DEUP1: variants seen among roughly 807,000 people sequenced by gnomAD.
DEUP1 encodes the protein deuterosome assembly protein 1.
A neutral mutation model predicts 87.4 loss-of-function variants in DEUP1; 82 were observed. The ratio of observed to expected loss-of-function variants is 0.94; its 90% CI spans 0.78 to 1.13. DEUP1 has a LOEUF of 1.13. Among genes scored for constraint, DEUP1 ranks in the 50% most tolerant of loss-of-function variants. DEUP1 has a pLI of 0.00. For missense variants in DEUP1, 663 were observed against 681.5 expected, an observed-to-expected ratio of 0.97 and a Z score of 0.30; for synonymous variants, 214 against 222.7, an observed-to-expected ratio of 0.96 and a Z score of 0.35.
chr11:93,378,740 G>A (rs970756982), intron 7 of DEUP1, among the ~76,000 whole-genome samples: 1 of 152,088 alleles, frequency 6.6e-6, no homozygotes, highest in African/African-American at 2.4e-5. Flanking sequence ...AAGGGCTGTT[G>A]TTCAGACTCT....
intron 13 of DEUP1, among the ~76,000 whole-genome samples, chr11:93,427,611 C>T (rs1020065509): frequency 6.7e-6 from 1 of 150,324 alleles, no homozygotes; most frequent in Admixed American, 6.6e-5. Context: ...CAACAAAAGC[C>T]AAAATTGACA....
intron 2 of DEUP1, among the ~76,000 whole-genome samples, chr11:93,337,371 C>G (rs910934159): frequency 3.3e-5 from 5 of 151,994 alleles, no homozygotes; most frequent in Non-Finnish European, 7.4e-5. Context: ...AAAATAAAAT[C>G]TAATTTTTCT....
At chr11:93,376,477 C>T (rs1257493790) in intron 7 of DEUP1, among the ~76,000 whole-genome samples, 1 of 151,998 alleles carries the variant, frequency 6.6e-6, no homozygotes, top group Non-Finnish European at 1.5e-5. Flanking sequence ...TCTCCTGTTT[C>T]ATTTCTAATT....
At chr11:93,363,892 C>A (rs1398268135) in intron 4 of DEUP1, among the ~76,000 whole-genome samples, 2 of 151,780 alleles carry the variant, frequency 1.3e-5, no homozygotes, top group African/African-American at 4.8e-5. Context: ...ATGATTAAAA[C>A]AAAATTGAAC....
intron 7 of DEUP1, among the ~76,000 whole-genome samples, chr11:93,373,852 T>A (rs550181450): frequency 2.6e-5 from 4 of 152,158 alleles, no homozygotes; most frequent in Non-Finnish European, 5.9e-5. Flanking sequence ...TTGAGTTCTT[T>A]AAGGAATCTC....
intron 7 of DEUP1, among the ~76,000 whole-genome samples, chr11:93,380,514 C>T (rs1489107098): frequency 6.6e-6 from 1 of 152,128 alleles, no homozygotes; most frequent in Non-Finnish European, 1.5e-5. Context: ...CATTCTTCTG[C>T]CTCAGCCTCC....
At chr11:93,436,379 A>G (rs762216152) in intron 13 of DEUP1, among the ~76,000 whole-genome samples, 11 of 152,206 alleles carry the variant, frequency 7.2e-5, no homozygotes, top group Non-Finnish European at 1.3e-4. Context: ...GGGCAAAACC[A>G]TGGATATATA....
intron 12 of DEUP1, 96 bp downstream of exon 12, chr11:93,408,523 T>C: frequency 1.3e-6 from 1 of 789,582 alleles, no homozygotes. Flanking sequence ...ACGCTTTCTC[T>C]TCTGTGGTTT....
At chr11:93,356,027 T>A (rs943480965) in intron 3 of DEUP1, among the ~76,000 whole-genome samples, 1 of 151,874 alleles carries the variant, frequency 6.6e-6, no homozygotes, top group African/African-American at 2.4e-5. Flanking sequence ...TTAAGAGGAG[T>A]TCCCTTAGTC....
intron 13 of DEUP1, among the ~76,000 whole-genome samples, chr11:93,436,151 A>G (rs956102806): frequency 6.6e-6 from 1 of 152,218 alleles, no homozygotes; most frequent in African/African-American, 2.4e-5. Context: ...CCTAAAAACA[A>G]TGTGTCAAGC....
At chr11:93,392,706 T>G (rs12286273) in intron 9 of DEUP1, among the ~76,000 whole-genome samples, 38,259 of 151,848 alleles carry the variant, frequency 0.25, 5,168 homozygotes, top group Middle Eastern at 0.37. Context: ...TTTAAAGATA[T>G]ATACTGAAAT....
chr11:93,337,393 A>C (rs893586958), intron 2 of DEUP1, among the ~76,000 whole-genome samples: 1 of 148,728 alleles, frequency 6.7e-6, no homozygotes, highest in African/African-American at 2.5e-5. Context: ...ATGTAAGTCA[A>C]CATATTGGTA....
chr11:93,397,551 C>G (rs1330729766), intron 11 of DEUP1, among the ~76,000 whole-genome samples: 1 of 152,108 alleles, frequency 6.6e-6, no homozygotes, highest in Admixed American at 6.6e-5. Context: ...TGGGTCGTCA[C>G]AGCCCCCACT....
intron 2 of DEUP1, among the ~76,000 whole-genome samples, chr11:93,354,876 C>T (rs1359112847): frequency 2.0e-5 from 3 of 152,160 alleles, no homozygotes; most frequent in Non-Finnish European, 4.4e-5. Context: ...TGATCCAATT[C>T]CTTAGAAACA....
chr11:93,412,124 G>A (rs1211365050), intron 12 of DEUP1, among the ~76,000 whole-genome samples: 1 of 152,194 alleles, frequency 6.6e-6, no homozygotes, highest in Non-Finnish European at 1.5e-5. Context: ...CCATGCTAAG[G>A]ACATTATCCT....
At chr11:93,345,280 C>T (rs1944288325) in intron 2 of DEUP1, among the ~76,000 whole-genome samples, 1 of 152,134 alleles carries the variant, frequency 6.6e-6, no homozygotes, top group South Asian at 2.1e-4. Context: ...TAGGTTGATT[C>T]GTTGTCTTTG....
chr11:93,405,563 A>G (rs1168128704), intron 11 of DEUP1, among the ~76,000 whole-genome samples: 2 of 152,014 alleles, frequency 1.3e-5, no homozygotes, highest in African/African-American at 4.8e-5. Flanking sequence ...AGACTTTGCT[A>G]CATATTTACT....
intron 5 of DEUP1, among the ~76,000 whole-genome samples, chr11:93,365,409 T>C (rs1383302167): frequency 6.6e-6 from 1 of 152,128 alleles, no homozygotes; most frequent in African/African-American, 2.4e-5. Flanking sequence ...GCTCTTGCAG[T>C]GGTACAACCA....
intron 13 of DEUP1, among the ~76,000 whole-genome samples, chr11:93,437,274 TG>T (rs1170293337): frequency 2.6e-5 from 4 of 152,254 alleles, no homozygotes; most frequent in Non-Finnish European, 5.9e-5. Flanking sequence ...CCATGGTGAG[TG>T]CATTGTCCCT....
Sources: gnomAD v4.1 joint callset for allele counts (sites outside exome capture counted in the v4.1 genomes callset) on GRCh38, gnomAD v4.1.1 for gene constraint, MANE v1.5 for transcripts, NCBI Gene and HGNC (gene_info 2026-07-23, HGNC 2026-07-21) for gene names.